The following ST3GAL3 variants were observed in gnomAD, a reference collection of about 807,000 sequenced individuals.
ST3GAL3 encodes the protein ST3 beta-galactoside alpha-2,3-sialyltransferase 3.
Under a neutral mutation model 50.1 loss-of-function variants are expected in ST3GAL3, and 21 were observed. The observed-to-expected ratio is 0.42, with a 90% CI of 0.30 to 0.60. ST3GAL3 has a LOEUF of 0.60. Ranked by LOEUF, ST3GAL3 falls within the 20% of genes least tolerant of loss-of-function variation. ST3GAL3 has a pLI of 0.19. For synonymous variants in ST3GAL3, 183 were observed against 190.0 expected, an observed-to-expected ratio of 0.96 and a Z score of 0.30; for missense variants, 353 against 489.4, an observed-to-expected ratio of 0.72 and a Z score of 2.63.
chr1:43,765,782 T>TGCGC (rs1227783643), intron 2 of ST3GAL3, among the ~76,000 whole-genome samples: 6 of 139,684 alleles, frequency 4.3e-5, no homozygotes, highest in Admixed American at 2.7e-4. Context: ...TGTGTGTGTG[T>TGCGC]GTGCGCGCGC....
intron 5 of ST3GAL3, among the ~76,000 whole-genome samples, chr1:43,877,058 A>G (rs900910020): frequency 1.3e-5 from 2 of 152,186 alleles, no homozygotes; most frequent in Non-Finnish European, 2.9e-5. Context: ...TCTCGACAAT[A>G]GTCTGTGACA....
intron 2 of ST3GAL3, among the ~76,000 whole-genome samples, chr1:43,756,939 C>T (rs747437601): frequency 5.3e-5 from 8 of 152,146 alleles, no homozygotes; most frequent in Non-Finnish European, 1.2e-4. Flanking sequence ...GGGTCTCGCT[C>T]TGTCACCCAG....
At chr1:43,902,939 C>G (rs993749506) in intron 9 of ST3GAL3, among the ~76,000 whole-genome samples, 3 of 152,188 alleles carry the variant, frequency 2.0e-5, no homozygotes, top group Non-Finnish European at 4.4e-5. Context: ...AGTCCCAGAG[C>G]TAGAGTTACA....
chr1:43,882,708 G>T (rs1335030356), intron 5 of ST3GAL3, among the ~76,000 whole-genome samples: 1 of 152,186 alleles, frequency 6.6e-6, no homozygotes, highest in African/African-American at 2.4e-5. Flanking sequence ...TAGGTCAAAA[G>T]CAGCCATACA....
rs551245528 is a variant in ST3GAL3, at chr1:43,714,760, A to G, written c.-31+7067A>G. On this transcript the variant is annotated intron_variant, in intron 1 of 11. Coordinates refer to ENST00000347631, the MANE Select transcript of ST3GAL3 (RefSeq NM_006279.5). ...CATACACACTTCTCCTCGGCCTGTCATTGCTGACTTCTTCCCCCTGAAATT... is the reference window on the plus strand; with the variant it reads ...CATACACACTTCTCCTCGGCCTGTCGTTGCTGACTTCTTCCCCCTGAAATT... Among the ~76,000 whole-genome samples the G allele has an allele frequency of 8.5e-5, 13 of 152,320 alleles. 1 individual carries two copies. In the South Asian group the frequency reaches 1.7e-3, roughly 19 times the overall value.
At chr1:43,852,514 T>C (rs890632779) in intron 5 of ST3GAL3, among the ~76,000 whole-genome samples, 1 of 152,234 alleles carries the variant, frequency 6.6e-6, no homozygotes, top group African/African-American at 2.4e-5. Flanking sequence ...CATAGAGGCA[T>C]GGTCTATTCA....
chr1:43,921,030 A>T, intron 11 of ST3GAL3, 102 bp downstream of exon 11: 3 of 1,398,102 alleles, frequency 2.1e-6, no homozygotes, highest in Non-Finnish European at 2.9e-6. Flanking sequence ...GCTGCCCAGA[A>T]CTCCCCAGAA....
At chr1:43,753,509 T>C (rs1280220375) in intron 2 of ST3GAL3, among the ~76,000 whole-genome samples, 1 of 152,224 alleles carries the variant, frequency 6.6e-6, no homozygotes. Flanking sequence ...CAGTAGGCTG[T>C]GGACCATACT....
chr1:43,885,381 C>A (rs1006732088), intron 5 of ST3GAL3, among the ~76,000 whole-genome samples: 1 of 152,206 alleles, frequency 6.6e-6, no homozygotes, highest in Non-Finnish European at 1.5e-5. Context: ...TTCCCCGGGT[C>A]CTTCTCACGC....
At chr1:43,769,998 C>T (rs1050599080) in intron 2 of ST3GAL3, among the ~76,000 whole-genome samples, 1 of 152,094 alleles carries the variant, frequency 6.6e-6, no homozygotes, top group Non-Finnish European at 1.5e-5. Flanking sequence ...ACTGAAACTT[C>T]AATCTTTCAT....
intron 4 of ST3GAL3, among the ~76,000 whole-genome samples, chr1:43,828,644 A>G (rs956047492): frequency 1.3e-5 from 2 of 152,232 alleles, no homozygotes; most frequent in Non-Finnish European, 2.9e-5. Context: ...GGAAATAAGC[A>G]TATGAAAAGA....
Position 43,920,884 on chromosome 1 carries a change from C to G in ST3GAL3, c.994C>G (p.Pro332Ala), listed in dbSNP as rs1463035741. The change falls in exon 11 of 12, where the codon CCC becomes GCC. Residue 332 changes from proline (P) to alanine (A), a missense_variant. Coordinates refer to ENST00000347631, the MANE Select transcript of ST3GAL3 (RefSeq NM_006279.5). Reference sequence around the variant, plus strand: ...CTATGACATGAGCACACCCAACGCACCCCTGCACTACTATGAGACCGTTCG... The same window carrying G: ...CTATGACATGAGCACACCCAACGCAGCCCTGCACTACTATGAGACCGTTCG... ...FGYDMSTPNA[P>A]LHYYETVRMA... 6.2e-7 allele frequency: 1 copy of G among 1,614,102 alleles called. No individual in the cohort carries two copies. Among genetic ancestry groups the G allele is most frequent in the African/African-American group, 1.3e-5 (1 of 75,012 alleles).
intron 2 of ST3GAL3, among the ~76,000 whole-genome samples, chr1:43,757,627 T>C (rs1204414803): frequency 1.3e-5 from 2 of 152,174 alleles, no homozygotes; most frequent in African/African-American, 4.8e-5. Context: ...TTTCTCACCA[T>C]GTACAAAATT....
At chr1:43,875,882 A>T (rs2073956912) in intron 5 of ST3GAL3, among the ~76,000 whole-genome samples, 1 of 151,558 alleles carries the variant, frequency 6.6e-6, no homozygotes, top group South Asian at 2.1e-4. Context: ...CCTGATGATA[A>T]TTGCTTTAGA....
intron 9 of ST3GAL3, among the ~76,000 whole-genome samples, chr1:43,904,914 TCTTCCCGCCACTCTTCCTCCCCTTCCTC>T (rs1259322346): frequency 0.21 from 19,705 of 92,712 alleles, 183 homozygotes; most frequent in Non-Finnish European, 0.25. Flanking sequence ...CTCCTGCTCC[TCTTCCCGCCACTCTTCCTCCCCTTCCTC>T]CTTTCTGCCA....
intron 5 of ST3GAL3, chr1:43,842,400 A>G (rs1395464728): frequency 6.6e-6 from 1 of 152,122 alleles, no homozygotes; most frequent in Non-Finnish European, 1.5e-5. Context: ...TTCTGCCATG[A>G]TTGTAAGCTT....
intron 2 of ST3GAL3, among the ~76,000 whole-genome samples, chr1:43,764,702 G>C (rs910060016): frequency 5.3e-5 from 8 of 152,254 alleles, no homozygotes; most frequent in Non-Finnish European, 7.3e-5. Flanking sequence ...TAGAGTGAGA[G>C]AGCTGTGCCT....
chr1:43,822,483 A>G (rs2062234728), intron 4 of ST3GAL3, among the ~76,000 whole-genome samples: 1 of 152,230 alleles, frequency 6.6e-6, no homozygotes, highest in Non-Finnish European at 1.5e-5. Flanking sequence ...ATGTGAAGAC[A>G]CAAAAATATG....
chr1:43,719,404 G>A (rs778496237), intron 1 of ST3GAL3, among the ~76,000 whole-genome samples: 1 of 151,970 alleles, frequency 6.6e-6, no homozygotes, highest in Non-Finnish European at 1.5e-5. Flanking sequence ...GCTCATGCTT[G>A]TAATACTAGC....
Sources: gnomAD v4.1 joint callset for allele counts (sites outside exome capture counted in the v4.1 genomes callset) on GRCh38, gnomAD v4.1.1 for gene constraint, MANE v1.5 for transcripts, NCBI Gene and HGNC (gene_info 2026-07-23, HGNC 2026-07-21) for gene names.